Variants in STPG2 observed in about 807,000 individuals in gnomAD.
The protein encoded by STPG2 is sperm-tail PG-rich repeat-containing protein 2.
A neutral mutation model predicts 54.2 loss-of-function variants in STPG2; 56 were observed. The observed-to-expected ratio is 1.03, with a 90% CI of 0.83 to 1.29. The LOEUF is 1.29. Among genes scored for constraint, STPG2 ranks in the 50% most tolerant of loss-of-function variants. The pLI, the probability that STPG2 is intolerant of heterozygous loss-of-function variation, is 0.00. For synonymous variants in STPG2, 200 were observed against 181.8 expected, an observed-to-expected ratio of 1.10 and a Z score of -0.81; for missense variants, 596 against 544.9, an observed-to-expected ratio of 1.09 and a Z score of -0.93.
rs557071402 is a variant in STPG2, at chr4:97,708,118, A to G, written c.1320+4581T>C. Among the ~76,000 whole-genome samples the G allele has an allele frequency of 1.3e-4, 20 of 152,258 alleles. No homozygotes were observed. The East Asian group carries it at 3.9e-3, about 29-fold the overall frequency. ...AAGATTGATGTCTTTGATACACGGC[A>G]AAAACAAACATGAAAGTGCAACTCA... On this transcript the variant is annotated intron_variant, in intron 10 of 10. Coordinates refer to ENST00000295268, the MANE Select transcript of STPG2 (RefSeq NM_174952.3).
chr4:97,867,107 T>C (rs1275082886), intron 8 of STPG2, among the ~76,000 whole-genome samples: 1 of 151,994 alleles, frequency 6.6e-6, no homozygotes, highest in Non-Finnish European at 1.5e-5. Flanking sequence ...ATCTGTTTAT[T>C]GATCCATTTA....
chr4:98,009,379 C>A (rs1735669370), intron 5 of STPG2, among the ~76,000 whole-genome samples: 1 of 151,476 alleles, frequency 6.6e-6, no homozygotes, highest in Non-Finnish European at 1.5e-5. Context: ...TTTCATATAT[C>A]TGTGAATTTT....
intron 4 of STPG2, among the ~76,000 whole-genome samples, chr4:97,526,330 T>C (rs983640334): frequency 1.3e-5 from 2 of 149,986 alleles, no homozygotes; most frequent in African/African-American, 5.0e-5. Flanking sequence ...TATAAACACA[T>C]TTTTTTTTAA....
At chr4:97,705,797 A>G (rs2149001638) in intron 10 of STPG2, among the ~76,000 whole-genome samples, 1 of 151,914 alleles carries the variant, frequency 6.6e-6, no homozygotes, top group Non-Finnish European at 1.5e-5. Flanking sequence ...GAGAATAGAG[A>G]TTTTTCATTT....
At chr4:97,602,198 A>T (rs1045747319) in intron 10 of STPG2, among the ~76,000 whole-genome samples, 1 of 151,528 alleles carries the variant, frequency 6.6e-6, no homozygotes, top group African/African-American at 2.4e-5. Context: ...TCAGTTGTTG[A>T]ACTTATTTTT....
chr4:98,124,316 G>A (rs1053392536), intron 3 of STPG2, among the ~76,000 whole-genome samples: 1 of 152,100 alleles, frequency 6.6e-6, no homozygotes, highest in East Asian at 1.9e-4. Context: ...GGCCAGTAAC[G>A]GTTTTTTCTT....
chr4:97,944,876 A>T (rs1177374197), intron 7 of STPG2, among the ~76,000 whole-genome samples: 1 of 152,052 alleles, frequency 6.6e-6, no homozygotes, highest in Admixed American at 6.6e-5. Flanking sequence ...TTTCCACATG[A>T]TATTATTCCA....
At chr4:97,775,155 G>C (rs1726337112) in intron 9 of STPG2, among the ~76,000 whole-genome samples, 1 of 152,224 alleles carries the variant, frequency 6.6e-6, no homozygotes, top group African/African-American at 2.4e-5. Context: ...GCATATGATA[G>C]AGAAAGGGTA....
chr4:97,542,365 A>G (rs1731733836), intron 4 of STPG2, among the ~76,000 whole-genome samples: 1 of 152,246 alleles, frequency 6.6e-6, no homozygotes, highest in Non-Finnish European at 1.5e-5. Context: ...GACACATGAA[A>G]AAATGCTCAT....
chr4:97,590,066 A>G (rs1472101568), intron 10 of STPG2, among the ~76,000 whole-genome samples: 1 of 152,164 alleles, frequency 6.6e-6, no homozygotes, highest in Non-Finnish European at 1.5e-5. Context: ...TATTTAGCCC[A>G]TGAGTCATAG....
At chr4:97,667,982 C>A (rs1722578294) in intron 10 of STPG2, among the ~76,000 whole-genome samples, 1 of 152,060 alleles carries the variant, frequency 6.6e-6, no homozygotes, top group Non-Finnish European at 1.5e-5. Context: ...ATTTATATAA[C>A]AGGATATTAT....
intron 10 of STPG2, among the ~76,000 whole-genome samples, chr4:97,619,732 A>T (rs1475494737): frequency 6.6e-6 from 1 of 151,876 alleles, no homozygotes; most frequent in African/African-American, 2.4e-5. Context: ...TACCCCTTGA[A>T]GTTCTTCTCT....
chr4:97,907,457 G>C (rs1306437804), intron 8 of STPG2, among the ~76,000 whole-genome samples: 1 of 151,982 alleles, frequency 6.6e-6, no homozygotes, highest in African/African-American at 2.4e-5. Flanking sequence ...GTAATTTACA[G>C]ATTCAATGCC....
intron 6 of STPG2, among the ~76,000 whole-genome samples, chr4:97,979,044 A>C (rs1397141549): frequency 1.3e-5 from 2 of 152,238 alleles, no homozygotes; most frequent in African/African-American, 4.8e-5. Flanking sequence ...TAACAGCCTC[A>C]CAGGTGATTT....
chr4:98,120,117 G>A (rs1005509000), intron 3 of STPG2, among the ~76,000 whole-genome samples: 4 of 151,964 alleles, frequency 2.6e-5, no homozygotes, highest in Admixed American at 1.3e-4. Context: ...GTCTTGCTCT[G>A]TCACCCAGGC....
In STPG2 at chr4:97,796,508, A is replaced by T. The variant is rs554827704; in HGVS notation, c.1204+44265T>A. 1.5e-3 allele frequency among the ~76,000 whole-genome samples: 227 copies of T among 152,118 alleles called. 2 individuals are homozygous for T. The highest frequency in any genetic ancestry group is 2.6e-3 in the Admixed American group (40 of 15,268). ...TCAGGTTTGTCAAAGATCAGATGGTAGTAGATGTGTGGTATTATTTCTGAG... is the reference window on the plus strand; with the variant it reads ...TCAGGTTTGTCAAAGATCAGATGGTTGTAGATGTGTGGTATTATTTCTGAG... On this transcript the variant is annotated intron_variant, in intron 9 of 10. Transcript: ENST00000295268.
intron 7 of STPG2, among the ~76,000 whole-genome samples, chr4:97,966,352 C>T (rs1318116460): frequency 3.9e-5 from 6 of 152,094 alleles, no homozygotes; most frequent in Admixed American, 6.5e-5. Context: ...CCAACAAAAC[C>T]TCTAAGAAAT....
intron 3 of STPG2, among the ~76,000 whole-genome samples, chr4:98,114,999 T>C (rs1739477259): frequency 6.6e-6 from 1 of 151,980 alleles, no homozygotes; most frequent in South Asian, 2.1e-4. Context: ...AACTTCAAGG[T>C]CACTGTCAAT....
intron 8 of STPG2, among the ~76,000 whole-genome samples, chr4:97,901,823 T>G (rs993273328): frequency 6.6e-6 from 1 of 151,912 alleles, no homozygotes; most frequent in African/African-American, 2.4e-5. Context: ...CTAAAATTCA[T>G]ATGGAGCCAC....
Sources: gnomAD v4.1 joint callset for allele counts (sites outside exome capture counted in the v4.1 genomes callset) on GRCh38, gnomAD v4.1.1 for gene constraint, MANE v1.5 for transcripts, NCBI Gene and HGNC (gene_info 2026-07-23, HGNC 2026-07-21) for gene names.